Variants in PCDH15 observed in about 807,000 individuals in gnomAD.
The protein encoded by PCDH15 is protocadherin related 15.
PCDH15 carries 129 observed loss-of-function variants against 178.5 expected under a neutral mutation model. That is an observed-to-expected ratio of 0.72 (90% CI 0.63 to 0.84). PCDH15 has a LOEUF of 0.84. Among genes scored for constraint, PCDH15 ranks in the 40% least tolerant of loss-of-function variants. PCDH15 has a pLI of 0.00. For missense variants in PCDH15, 2,230 were observed against 2,099.9 expected (o/e 1.06, Z -1.21); for synonymous variants, 800 against 732.0 (o/e 1.09, Z -1.50).
chr10:54,866,411 A>G (rs2131787531), intron 3 of PCDH15, among the ~76,000 whole-genome samples: 1 of 152,276 alleles, frequency 6.6e-6, no homozygotes, highest in Non-Finnish European at 1.5e-5. Flanking sequence ...TGGGAAAGAC[A>G]AGATGTCTCT....
chr10:55,524,109 G>C (rs1032999798), intron 2 of PCDH15, among the ~76,000 whole-genome samples: 2 of 150,648 alleles, frequency 1.3e-5, no homozygotes, highest in Non-Finnish European at 3.0e-5. Flanking sequence ...GTAATTCAAA[G>C]CTACTTTCTT....
At chr10:54,122,269 T>C (rs1297674829) in intron 15 of PCDH15, among the ~76,000 whole-genome samples, 1 of 151,982 alleles carries the variant, frequency 6.6e-6, no homozygotes, top group Non-Finnish European at 1.5e-5. Flanking sequence ...ACTAAAACCA[T>C]ATGATCACCT....
intron 2 of PCDH15, among the ~76,000 whole-genome samples, chr10:55,005,948 T>C (rs990427198): frequency 5.9e-5 from 9 of 151,812 alleles, no homozygotes; most frequent in Non-Finnish European, 1.3e-4. Flanking sequence ...AAATACTTAT[T>C]CTATTTTTAT....
rs948558849 is a variant in PCDH15 at position 55,124,250 on chromosome 10, C to T, written c.-80+42326G>A. The stretch of plus-strand genomic sequence containing the variant: ...CTTCCAAGAGCAGTTTTAATAAAGG[C>T]ACAGAATTACATAGTGTATCTCCTG... On this transcript the variant is annotated intron_variant, in intron 2 of 5. Coordinates refer to the PCDH15 transcript ENST00000458638. Among the ~76,000 whole-genome samples, 7 of 152,150 alleles carry T rather than the reference C, an allele frequency of 4.6e-5. 1 individual carries two copies. Among genetic ancestry groups the T allele is most frequent in the Admixed American group, 3.9e-4 (6 of 15,278 alleles).
At chr10:54,144,731 T>C (rs1207322100) in intron 14 of PCDH15, among the ~76,000 whole-genome samples, 1 of 152,194 alleles carries the variant, frequency 6.6e-6, no homozygotes. Context: ...GTTTTCGTAA[T>C]AATCTTATAA....
At chr10:54,172,063 G>T (rs1368534973) in intron 13 of PCDH15, among the ~76,000 whole-genome samples, 2 of 152,062 alleles carry the variant, frequency 1.3e-5, no homozygotes, top group Non-Finnish European at 2.9e-5. Flanking sequence ...GGAATGTCAG[G>T]CCTCTGAGCT....
intron 2 of PCDH15, among the ~76,000 whole-genome samples, chr10:54,617,700 G>T (rs1565758872): frequency 6.7e-6 from 1 of 149,094 alleles, no homozygotes; most frequent in Non-Finnish European, 1.5e-5. Context: ...GGATCACAAG[G>T]TCAGGAGTTC....
At position 54,664,160 on chromosome 10, in the gene PCDH15, A is replaced by T; in HGVS notation, c.91+12T>A. 6.2e-7 allele frequency: 1 copy of T among 1,607,968 alleles called. No homozygotes were observed. The highest frequency in any genetic ancestry group is 2.2e-5 in the East Asian group (1 of 44,746). ...TGGCTCGCTCTAAAGGTCAAGCTAAAAGCAACCTTACCATCATCATACTGG... is the reference window on the plus strand; with the variant it reads ...TGGCTCGCTCTAAAGGTCAAGCTAATAGCAACCTTACCATCATCATACTGG... On this transcript the variant is annotated intron_variant, in intron 2 of 37. Transcript: ENST00000644397.
chr10:53,898,616 T>C (rs2133596241), intron 26 of PCDH15, among the ~76,000 whole-genome samples: 1 of 152,296 alleles, frequency 6.6e-6, no homozygotes, highest in Non-Finnish European at 1.5e-5. Context: ...TACTTAAATG[T>C]GACATGAGCC....
chr10:55,357,469 G>A lies in PCDH15; in HGVS notation c.-155-190818C>T, dbSNP rs535217800. Among the ~76,000 whole-genome samples the A allele has an allele frequency of 3.4e-4, 51 of 151,940 alleles. 1 individual carries two copies. The South Asian group carries it at 9.5e-3, about 28-fold the overall frequency. ...GGAGTGGACTGTGAGGGTCAATTCC[G>A]ATTCTACCATCAGTTAGCTATGTCA... On this transcript the variant is annotated intron_variant, in intron 2 of 5. Coordinates refer to the PCDH15 transcript ENST00000613346.
intron 15 of PCDH15, among the ~76,000 whole-genome samples, chr10:54,118,042 A>T (rs2095146584): frequency 6.6e-6 from 1 of 152,192 alleles, no homozygotes; most frequent in South Asian, 2.1e-4. Flanking sequence ...AGAAAATACT[A>T]TTCCAAACTT....
rs578069904 is a variant in PCDH15, at chr10:54,357,744, C to T, written c.475-11260G>A. 1.4e-3 allele frequency among the ~76,000 whole-genome samples: 215 copies of T among 152,248 alleles called. 1 individual carries two copies. Among genetic ancestry groups the T allele is most frequent in the African/African-American group, 2.7e-3 (114 of 41,546 alleles). Reference sequence around the variant, plus strand: ...CAAAACCACAAAGCTGGAGGCATCACGCTACCTGACTTCAAAGTATACTAC... The same window carrying T: ...CAAAACCACAAAGCTGGAGGCATCATGCTACCTGACTTCAAAGTATACTAC... On this transcript the variant is annotated intron_variant, in intron 5 of 37. Transcript: ENST00000644397.
chr10:55,198,700 G>T (rs1488188805), intron 1 of PCDH15, among the ~76,000 whole-genome samples: 4 of 151,054 alleles, frequency 2.6e-5, no homozygotes, highest in Non-Finnish European at 4.4e-5. Context: ...TTTCACCGTG[G>T]TCTCGATCTC....
At chr10:54,600,565 C>T (rs1157688464) in intron 2 of PCDH15, 4 of 585,270 alleles carry the variant, frequency 6.8e-6, no homozygotes, top group African/African-American at 5.6e-5. Flanking sequence ...AAAACTGTAA[C>T]CATCACTCAA....
intron 1 of PCDH15, among the ~76,000 whole-genome samples, chr10:55,300,753 C>G (rs1219165906): frequency 2.0e-5 from 3 of 152,108 alleles, no homozygotes; most frequent in Non-Finnish European, 4.4e-5. Context: ...TAGAGCCAGT[C>G]TGATTTTTTA....
intron 18 of PCDH15, among the ~76,000 whole-genome samples, chr10:54,062,314 T>A (rs1358443951): frequency 6.7e-6 from 1 of 150,362 alleles, no homozygotes; most frequent in African/African-American, 2.5e-5. Context: ...ATTATTCATA[T>A]TAAAATATCA....
intron 2 of PCDH15, among the ~76,000 whole-genome samples, chr10:55,585,694 A>G (rs1203955021): frequency 6.6e-6 from 1 of 152,030 alleles, no homozygotes; most frequent in Admixed American, 6.6e-5. Context: ...ATGTGTATAT[A>G]TATGTATACA....
intron 2 of PCDH15, among the ~76,000 whole-genome samples, chr10:55,089,378 A>G (rs1274344220): frequency 6.8e-6 from 1 of 146,678 alleles, no homozygotes; most frequent in Non-Finnish European, 1.5e-5. Context: ...TACAGATAAA[A>G]TCGAGCAAAA....
intron 2 of PCDH15, among the ~76,000 whole-genome samples, chr10:55,094,633 G>T (rs1489043081): frequency 1.3e-5 from 2 of 151,888 alleles, no homozygotes; most frequent in Non-Finnish European, 2.9e-5. Context: ...TAAGATGAAG[G>T]CTTATACATA....
Sources: allele counts gnomAD v4.1 joint callset (sites outside exome capture counted in the v4.1 genomes callset), GRCh38; gene constraint gnomAD v4.1.1; transcripts MANE v1.5; gene names NCBI Gene and HGNC (gene_info 2026-07-23, HGNC 2026-07-21).